The following KIAA1671 variants were observed in gnomAD, a reference collection of about 807,000 sequenced individuals.
The protein encoded by KIAA1671 is KIAA1671.
Under a neutral mutation model 131.2 loss-of-function variants are expected in KIAA1671, and 52 were observed. That is an observed-to-expected ratio of 0.40 (90% CI 0.32 to 0.50). The LOEUF (loss-of-function observed/expected upper bound fraction) is 0.50, where lower values mean the gene tolerates loss of function less well. Among genes scored for constraint, KIAA1671 ranks in the 20% least tolerant of loss-of-function variants. The pLI is 0.73. For synonymous variants in KIAA1671, 1,003 were observed against 961.6 expected, an observed-to-expected ratio of 1.04 and a Z score of -0.80; for missense variants, 2,360 against 2,364.2, an observed-to-expected ratio of 1.00 and a Z score of 0.04.
chr22:25,092,086 G>A lies in KIAA1671; in HGVS notation c.4530+42722G>A, dbSNP rs1930054141. Among the ~76,000 whole-genome samples, 6 of 152,268 alleles carry A rather than the reference G, an allele frequency of 3.9e-5. No homozygotes were observed. The South Asian group carries it at 1.2e-3, about 32-fold the overall frequency. On this transcript the variant is annotated intron_variant, in intron 6 of 12. Coordinates refer to ENST00000358431, the MANE Select transcript of KIAA1671 (RefSeq NM_001145206.2). ...GTCACCAAGCATCAGAGGGGAATAC[G>A]AAAAACAATTCCTGCCCTGGCTGAG...
chr22:25,069,968 C>G (rs1425237233), intron 6 of KIAA1671: 1 of 175,858 alleles, frequency 5.7e-6, no homozygotes, highest in Non-Finnish European at 1.2e-5. Flanking sequence ...CACACACACG[C>G]GTGCACACAT....
intron 1 of KIAA1671, among the ~76,000 whole-genome samples, chr22:24,966,231 A>G (rs1445956538): frequency 1.3e-5 from 2 of 152,270 alleles, no homozygotes; most frequent in Admixed American, 1.3e-4. Flanking sequence ...TTGCTTCCTC[A>G]GGGAGGAAAG....
chr22:25,093,812 G>GTCTCTCTCTCTTTCTCTCTC (rs1930231637), intron 6 of KIAA1671, among the ~76,000 whole-genome samples: 1 of 31,010 alleles, frequency 3.2e-5, no homozygotes. Flanking sequence ...CTCTCTCTCT[G>GTCTCTCTCTCTTTCTCTCTC]TCTCTCTCTC....
intron 6 of KIAA1671, among the ~76,000 whole-genome samples, chr22:25,160,219 GC>G (rs556931189): frequency 1.6e-4 from 24 of 152,288 alleles, no homozygotes; most frequent in Non-Finnish European, 1.8e-4. Flanking sequence ...AGGGAGTGGA[GC>G]CGGAGCTGAG....
intron 6 of KIAA1671, among the ~76,000 whole-genome samples, chr22:25,089,944 G>T (rs879492669): frequency 1.3e-5 from 2 of 152,206 alleles, no homozygotes; most frequent in Non-Finnish European, 2.9e-5. Context: ...ATGGAGCTAT[G>T]CTCAGGCATA....
intron 6 of KIAA1671, among the ~76,000 whole-genome samples, chr22:25,116,382 A>AGTATGTATGTATGTATGTAT (rs139621283): frequency 1.4e-5 from 2 of 139,050 alleles, no homozygotes; most frequent in Non-Finnish European, 3.1e-5. Context: ...CCCCTCCACC[A>AGTATGTATGTATGTATGTAT]GTATGTATGT....
At chr22:25,059,814 G>A (rs923285586) in intron 6 of KIAA1671, 2 of 152,228 alleles carry the variant, frequency 1.3e-5, no homozygotes, top group Non-Finnish European at 2.9e-5. Context: ...TGCACTCTCA[G>A]GGTGCCCACT....
chr22:25,156,677 G>A (rs1422081638), intron 6 of KIAA1671, among the ~76,000 whole-genome samples: 2 of 152,146 alleles, frequency 1.3e-5, no homozygotes, highest in Non-Finnish European at 2.9e-5. Context: ...TGTGTTTTGT[G>A]TATATACATT....
chr22:25,045,175 AT>A (rs139701082), intron 5 of KIAA1671, among the ~76,000 whole-genome samples: 27,291 of 151,328 alleles, frequency 0.18, 2,937 homozygotes, highest in Middle Eastern at 0.27. Context: ...AAAAAAAAAA[AT>A]TTTGAAATAC....
At position 24,964,906 on chromosome 22, in the gene KIAA1671, G is replaced by T. The variant is rs1221903861; in HGVS notation, c.-208+12134G>T. Among the ~76,000 whole-genome samples, 5 of 152,116 alleles carry T rather than the reference G, an allele frequency of 3.3e-5. No homozygotes were observed. The East Asian group carries it at 5.8e-4, about 18-fold the overall frequency. On this transcript the variant is annotated intron_variant, in intron 1 of 12. Coordinates refer to ENST00000358431, the MANE Select transcript of KIAA1671 (RefSeq NM_001145206.2). ...TGGTGCCCTTCTGGTGGTGAAGCAG[G>T]ATGGGCAGAGCCGAAAAATCCTAGT...
At chr22:25,083,637 G>C (rs926306716) in intron 6 of KIAA1671, among the ~76,000 whole-genome samples, 1 of 152,216 alleles carries the variant, frequency 6.6e-6, no homozygotes, top group African/African-American at 2.4e-5. Flanking sequence ...ATCCCAGGCT[G>C]TCTTACTCTG....
Position 25,044,702 on chromosome 22 carries a change from A to C in KIAA1671, c.4395+3177A>C, listed in dbSNP as rs1170242760. Among the ~76,000 whole-genome samples, 9 of 152,194 alleles carry C rather than the reference A, an allele frequency of 5.9e-5. No homozygotes were observed. The East Asian group carries it at 1.7e-3, about 29-fold the overall frequency. ...GTTGGTTGTTAAAATTTTGAACCTT[A>C]CAGGGGTATAGAAAATAAAAGGTGA... On this transcript the variant is annotated intron_variant, in intron 5 of 12. Transcript: ENST00000358431.
chr22:24,963,188 A>AC (rs1290310377), intron 1 of KIAA1671, among the ~76,000 whole-genome samples: 2 of 151,706 alleles, frequency 1.3e-5, no homozygotes, highest in Non-Finnish European at 2.9e-5. Context: ...ACATGGTGAA[A>AC]CCCCATCTCT....
rs568515549 is a variant in KIAA1671, at chr22:25,172,843, A to G, written c.4650-1397A>G. Among the ~76,000 whole-genome samples, 8 of 152,346 alleles carry G rather than the reference A, an allele frequency of 5.3e-5. 1 individual carries two copies. Among genetic ancestry groups the G allele is most frequent in the African/African-American group, 1.9e-4 (8 of 41,586 alleles). On this transcript the variant is annotated intron_variant, in intron 7 of 12. Transcript: ENST00000358431. ...GCTGGAGTCAGACTGCCTGGGCTCAATCCCAGTCCTGTTGCTGGGGACAAG... is the reference window on the plus strand; with the variant it reads ...GCTGGAGTCAGACTGCCTGGGCTCAGTCCCAGTCCTGTTGCTGGGGACAAG...
At chr22:25,129,010 G>A (rs5752066) in intron 6 of KIAA1671, among the ~76,000 whole-genome samples, 15,203 of 152,186 alleles carry the variant, frequency 0.1, 836 homozygotes, top group East Asian at 0.16. Context: ...GAGACCAAGG[G>A]AGGCAGCCGC....
chr22:25,083,958 A>G (rs1258075235), intron 6 of KIAA1671, among the ~76,000 whole-genome samples: 2 of 152,312 alleles, frequency 1.3e-5, no homozygotes, highest in East Asian at 3.9e-4. Flanking sequence ...GGCCCAGTGA[A>G]AGCCGCCTTT....
At chr22:25,161,206 T>G (rs1933432363) in intron 6 of KIAA1671, among the ~76,000 whole-genome samples, 1 of 152,164 alleles carries the variant, frequency 6.6e-6, no homozygotes, top group South Asian at 2.1e-4. Context: ...AACTAAGCAC[T>G]GAGAATTGTG....
chr22:25,100,981 C>A (rs1471574968), intron 6 of KIAA1671, among the ~76,000 whole-genome samples: 6 of 152,220 alleles, frequency 3.9e-5, no homozygotes, highest in Non-Finnish European at 7.3e-5. Flanking sequence ...AGCAAACTCA[C>A]TGGTCAGAAA....
chr22:25,040,962 A>G lies in KIAA1671; in HGVS notation c.3832A>G (p.Lys1278Glu). 1 of 1,476,360 alleles carries G rather than the reference A, an allele frequency of 6.8e-7. No homozygotes were observed. The highest frequency in any genetic ancestry group is 9.0e-7 in the Non-Finnish European group (1 of 1,112,972). The allele number at this position is 1,476,360 out of a possible 1,614,324, so 91.5% of individuals were successfully genotyped here. A position where few individuals can be genotyped will look rare whatever the true frequency, so the allele number is the denominator to read the frequency against. ...TCACAGTTTCACTCCTGGCTTAGGC[A>G]AGCAGCTGGCAGAGACCTTGGAGAC... The part of the protein sequence containing the change: ...INHSFTPGLG[K>E]QLAETLETAM... Residue 1278 changes from lysine (K) to glutamate (E), a missense_variant, in exon 5 of 13, where the codon AAG becomes GAG. Lys to Glu is a moderately conservative substitution (Grantham distance 56). Coordinates refer to ENST00000358431, the MANE Select transcript of KIAA1671 (RefSeq NM_001145206.2).
Sources: gnomAD v4.1 joint callset for allele counts (sites outside exome capture counted in the v4.1 genomes callset) on GRCh38, gnomAD v4.1.1 for gene constraint, MANE v1.5 for transcripts, NCBI Gene and HGNC (gene_info 2026-07-23, HGNC 2026-07-21) for gene names.